Variants in KIF26B observed in about 807,000 individuals in gnomAD.
KIF26B encodes the protein kinesin family member 26B.
In KIF26B, 63 loss-of-function variants were observed where a neutral mutation model predicts 151.2. The observed-to-expected ratio is 0.42, with a 90% CI of 0.34 to 0.51. The LOEUF (loss-of-function observed/expected upper bound fraction) is 0.51. Among genes scored for constraint, KIF26B ranks in the 20% least tolerant of loss-of-function variants. The pLI is 0.07. For synonymous variants in KIF26B, 1,357 were observed against 1,262.1 expected (o/e 1.08, Z -1.59); for missense variants, 2,813 against 2,913.6 (o/e 0.97, Z 0.79).
intron 2 of KIF26B, among the ~76,000 whole-genome samples, chr1:245,366,389 G>A (rs1239334743): frequency 6.6e-6 from 1 of 151,930 alleles, no homozygotes; most frequent in Non-Finnish European, 1.5e-5. Flanking sequence ...AAAATTAGCT[G>A]GGCGTGGTGG....
At chr1:245,549,104 T>G (rs932844533) in intron 5 of KIF26B, among the ~76,000 whole-genome samples, 2 of 152,146 alleles carry the variant, frequency 1.3e-5, no homozygotes, top group African/African-American at 4.8e-5. Context: ...ATGGAGATGG[T>G]AGGCTTGTGT....
chr1:245,587,212 A>AAAT (rs2043237588), intron 5 of KIF26B, among the ~76,000 whole-genome samples: 1 of 152,142 alleles, frequency 6.6e-6, no homozygotes, highest in African/African-American at 2.4e-5. Flanking sequence ...CATATTTATG[A>AAAT]AATCTTTCCT....
At chr1:245,389,688 G>A (rs1409026407) in intron 3 of KIF26B, among the ~76,000 whole-genome samples, 1 of 152,184 alleles carries the variant, frequency 6.6e-6, no homozygotes, top group African/African-American at 2.4e-5. Flanking sequence ...AGTTACCTAT[G>A]AAGTATCCAT....
chr1:245,688,844 C>T (rs779118146), intron 12 of KIF26B, 37 bp downstream of exon 12: 7 of 1,527,964 alleles, frequency 4.6e-6, no homozygotes, highest in Middle Eastern at 2.0e-4. Flanking sequence ...GTGAGGAGGG[C>T]GGCAGGTGGG....
At chr1:245,396,653 C>CAA (rs368941008) in intron 3 of KIF26B, among the ~76,000 whole-genome samples, 2 of 145,068 alleles carry the variant, frequency 1.4e-5, no homozygotes, top group African/African-American at 5.1e-5. Flanking sequence ...AAACAAAAAA[C>CAA]AAAAAAAAAA....
At chr1:245,178,848 G>A (rs1043115421) in intron 2 of KIF26B, among the ~76,000 whole-genome samples, 3 of 152,230 alleles carry the variant, frequency 2.0e-5, no homozygotes, top group Admixed American at 2.0e-4. Flanking sequence ...GGCAAGTGGG[G>A]CCGGCTCTAC....
chr1:245,167,186 G>GT lies in KIF26B; in HGVS notation c.465+10514dup, dbSNP rs3054247. On this transcript the variant is annotated intron_variant, in intron 2 of 14. Coordinates refer to ENST00000407071, the MANE Select transcript of KIF26B (RefSeq NM_018012.4). This position sits in a 1 kb window ranked among gnomAD's most constrained non-coding sequence, Gnocchi z 4.2. Reference sequence around the variant, plus strand: ...GTGTAAACTTTCTTTTTATATAATTGTTTTTTTTTTTGCTTGAAAGCATGA... The same window carrying GT: ...GTGTAAACTTTCTTTTTATATAATTGTTTTTTTTTTTTGCTTGAAAGCATGA... 0.053 allele frequency among the ~76,000 whole-genome samples: 7,346 copies of GT among 139,524 alleles called. 212 individuals are homozygous for GT. The highest frequency in any genetic ancestry group is 0.093 in the African/African-American group (3,375 of 36,166). 91.5% of individuals were successfully genotyped at this position (139,524 alleles called of 152,430 possible). A position where few individuals can be genotyped will look rare whatever the true frequency, so the allele number is the denominator to read the frequency against.
chr1:245,396,262 A>C (rs1227539175), intron 3 of KIF26B, among the ~76,000 whole-genome samples: 4 of 152,220 alleles, frequency 2.6e-5, no homozygotes, highest in African/African-American at 9.6e-5. Flanking sequence ...CAAGAGGAAC[A>C]GTTTTGTTAA....
chr1:245,268,828 G>C (rs576941142), intron 2 of KIF26B, among the ~76,000 whole-genome samples: 1 of 152,246 alleles, frequency 6.6e-6, no homozygotes, highest in South Asian at 2.1e-4. Context: ...CAAACATCCT[G>C]GTTTGCATGG....
chr1:245,685,905 C>T lies in KIF26B; in HGVS notation c.2922C>T (p.Leu974=), dbSNP rs763450315. The change falls in exon 12 of 15, where the codon CTC becomes CTT. Residue 974 remains leucine, a synonymous_variant. Coordinates refer to ENST00000407071, the MANE Select transcript of KIF26B (RefSeq NM_018012.4). ...GCCAAGCAGCGGGGGCAAGCCCACT[C>T]TCTGAGTCTGATAAGGAAGATAATG... ...RLSQAAGASP[L]SESDKEDNGS... 6 of 1,613,002 alleles carry T rather than the reference C, an allele frequency of 3.7e-6. No individual in the cohort carries two copies. The Admixed American group carries it at 1.0e-4, about 27-fold the overall frequency.
In KIF26B at chr1:245,318,195, A is replaced by G. The variant is rs1304898468; in HGVS notation, c.466-48639A>G. ...GGTTTTAATTCTGGGTCAAATCAGC[A>G]AATGTTTATTAAGTACACACAACAG... On this transcript the variant is annotated intron_variant, in intron 2 of 14. Coordinates refer to ENST00000407071, the MANE Select transcript of KIF26B (RefSeq NM_018012.4). The surrounding 1 kb of genome is among the most constrained non-coding windows in gnomAD (Gnocchi z 4.0). 1.3e-5 allele frequency among the ~76,000 whole-genome samples: 2 copies of G among 152,210 alleles called. No individual in the cohort carries two copies. The highest frequency in any genetic ancestry group is 2.4e-5 in the African/African-American group (1 of 41,452).
intron 9 of KIF26B, among the ~76,000 whole-genome samples, chr1:245,617,792 C>T (rs1181967487): frequency 6.6e-6 from 1 of 152,222 alleles, no homozygotes; most frequent in African/African-American, 2.4e-5. Context: ...TGGCCACTCT[C>T]AGCAGGTAAC....
chr1:245,650,723 C>T (rs941471596), intron 10 of KIF26B, among the ~76,000 whole-genome samples: 3 of 152,224 alleles, frequency 2.0e-5, no homozygotes, highest in African/African-American at 7.2e-5. Flanking sequence ...CACAGTGTTT[C>T]TAAACACTCT....
intron 4 of KIF26B, among the ~76,000 whole-genome samples, chr1:245,443,274 C>T (rs1188418137): frequency 2.7e-5 from 4 of 148,960 alleles, no homozygotes; most frequent in Admixed American, 6.7e-5. Context: ...GGTCATCTCC[C>T]TCACTGTTCA....
intron 2 of KIF26B, among the ~76,000 whole-genome samples, chr1:245,174,355 A>G (rs1668766432): frequency 6.6e-6 from 1 of 152,120 alleles, no homozygotes; most frequent in Non-Finnish European, 1.5e-5. Context: ...TATCATGGCC[A>G]GATGTGGCGT....
rs1205370719 is a variant in KIF26B at position 245,489,411 on chromosome 1, A to G, written c.1167-51356A>G. Reference sequence around the variant, plus strand: ...CTATAGCTCGTTTTCTTTTAAAATTATGCAATCCACAGTCAAGTCCTGGGG... The same window carrying G: ...CTATAGCTCGTTTTCTTTTAAAATTGTGCAATCCACAGTCAAGTCCTGGGG... On this transcript the variant is annotated intron_variant, in intron 4 of 14. Coordinates refer to ENST00000407071, the MANE Select transcript of KIF26B (RefSeq NM_018012.4). 2.0e-5 allele frequency among the ~76,000 whole-genome samples: 3 copies of G among 152,338 alleles called. 1 individual carries two copies. The East Asian group carries it at 5.8e-4, about 29-fold the overall frequency.
intron 5 of KIF26B, among the ~76,000 whole-genome samples, chr1:245,559,692 G>T (rs1163080990): frequency 6.6e-6 from 1 of 152,234 alleles, no homozygotes; most frequent in East Asian, 1.9e-4. Flanking sequence ...GACTACAGGC[G>T]TGAGCCACCG....
intron 4 of KIF26B, among the ~76,000 whole-genome samples, chr1:245,471,418 G>A (rs1166592416): frequency 6.6e-6 from 1 of 152,118 alleles, no homozygotes; most frequent in East Asian, 1.9e-4. Flanking sequence ...ACAGGTGTGA[G>A]CTACCACACC....
At chr1:245,502,692 G>A (rs1297113255) in intron 4 of KIF26B, among the ~76,000 whole-genome samples, 2 of 152,096 alleles carry the variant, frequency 1.3e-5, no homozygotes, top group African/African-American at 4.8e-5. Flanking sequence ...GAAAATAATA[G>A]TTATGATTAT....
Sources: gnomAD v4.1 joint callset for allele counts (sites outside exome capture counted in the v4.1 genomes callset) on GRCh38, gnomAD v4.1.1 for gene constraint, Gnocchi (gnomAD v3.1) non-coding constraint, MANE v1.5 for transcripts, NCBI Gene and HGNC (gene_info 2026-07-23, HGNC 2026-07-21) for gene names.